The following SLC17A1 variants were observed in gnomAD, a reference collection of about 807,000 sequenced individuals.
The protein encoded by SLC17A1 is solute carrier family 17 member 1.
Under a neutral mutation model 53.5 loss-of-function variants are expected in SLC17A1, and 51 were observed. The observed-to-expected ratio is 0.95, with a 90% CI of 0.76 to 1.20. The LOEUF (loss-of-function observed/expected upper bound fraction) is 1.20. Ranked by LOEUF, SLC17A1 falls within the 50% of genes most tolerant of loss-of-function variation. The probability of loss-of-function intolerance (pLI) is 0.00; values close to 1 mark genes in which losing one functional copy is unlikely to be tolerated. For synonymous variants in SLC17A1, 179 were observed against 198.8 expected, an observed-to-expected ratio of 0.90 and a Z score of 0.84; for missense variants, 538 against 568.2, an observed-to-expected ratio of 0.95 and a Z score of 0.54.
chr6:25,796,458 T>C (rs775875940), intron 12 of SLC17A1, among the ~76,000 whole-genome samples: 3 of 152,036 alleles, frequency 2.0e-5, no homozygotes, highest in Non-Finnish European at 4.4e-5. Flanking sequence ...TTTCCTCCTT[T>C]AGCTGGGTGT....
At chr6:25,819,266 A>T (rs1450771923) in intron 5 of SLC17A1, 112 bp from the exon 6 acceptor site, 4 of 741,258 alleles carry the variant, frequency 5.4e-6, no homozygotes, top group Admixed American at 3.1e-5. Context: ...TTTGTGTATC[A>T]TAACACAAAC....
the SLC17A1 span, among the ~76,000 whole-genome samples, chr6:25,772,387 T>C: frequency 6.6e-6 from 1 of 152,198 alleles, no homozygotes; most frequent in Non-Finnish European, 1.5e-5. Context: ...CGCCATTTTA[T>C]ATTCTCAAAA....
At chr6:25,772,743 T>C in the SLC17A1 span, among the ~76,000 whole-genome samples, 4 of 152,200 alleles carry the variant, frequency 2.6e-5, no homozygotes. Context: ...CTGCAAAGCA[T>C]GACTAGCAGG....
At chr6:25,758,558 G>T in the SLC17A1 span, among the ~76,000 whole-genome samples, 1 of 151,896 alleles carries the variant, frequency 6.6e-6, no homozygotes, top group Non-Finnish European at 1.5e-5. Context: ...TCTCCTCTAG[G>T]TTTTCTAGTT....
chr6:25,726,882 G>GT, the SLC17A1 span: 43 of 1,595,022 alleles, frequency 2.7e-5, no homozygotes, highest in Non-Finnish European at 3.6e-5. Context: ...AAAGAACCGT[G>GT]TAACGCTGCA....
downstream of SLC17A1, chr6:25,778,099 T>A: frequency 1.0e-6 from 1 of 970,006 alleles, no homozygotes; most frequent in Non-Finnish European, 1.6e-6. Flanking sequence ...CCTTGTATCC[T>A]AGAAGATGCT....
At chr6:25,750,687 A>G in the SLC17A1 span, among the ~76,000 whole-genome samples, 3 of 151,868 alleles carry the variant, frequency 2.0e-5, no homozygotes, top group South Asian at 6.2e-4. Context: ...GCACTTGTAT[A>G]GGAAACTGGT....
the SLC17A1 span, chr6:25,726,856 G>C: frequency 6.4e-7 from 1 of 1,557,296 alleles, no homozygotes; most frequent in East Asian, 2.2e-5. Context: ...ACTGGAAAGT[G>C]CTGTGTAACC....
At chr6:25,729,504 G>A in the SLC17A1 span, among the ~76,000 whole-genome samples, 4 of 152,326 alleles carry the variant, frequency 2.6e-5, no homozygotes, top group Admixed American at 2.0e-4. Context: ...CAGAGGACCC[G>A]TTCCTCTCAG....
the SLC17A1 span, among the ~76,000 whole-genome samples, chr6:25,727,713 A>G: frequency 1.3e-5 from 2 of 152,094 alleles, no homozygotes; most frequent in African/African-American, 2.4e-5. Flanking sequence ...CCGAGGGTAG[A>G]CGAACTAGTT....
At chr6:25,731,217 G>A in the SLC17A1 span, among the ~76,000 whole-genome samples, 2 of 152,186 alleles carry the variant, frequency 1.3e-5, no homozygotes, top group African/African-American at 4.8e-5. Flanking sequence ...GAGTTAGCCT[G>A]ATCACTTTTC....
intron 2 of SLC17A1, among the ~76,000 whole-genome samples, chr6:25,829,400 T>A (rs1764866696): frequency 3.3e-5 from 5 of 152,174 alleles, no homozygotes. Context: ...CTGAGAAATT[T>A]AATCATCAGC....
Position 25,819,580 on chromosome 6 carries a change from G to T in SLC17A1, c.460C>A (p.Gln154Lys). Residue 154 changes from glutamine to lysine, a missense_variant, in exon 5 of 13, where the codon CAG becomes AAG. Coordinates refer to ENST00000244527, the MANE Select transcript of SLC17A1 (RefSeq NM_005074.5). Reference protein sequence around the residue: ...GAAQGIVATAQFEIYVKWAPP... With the variant: ...GAAQGIVATAKFEIYVKWAPP... Reference sequence around the variant, plus strand: ...GCCCATTTGACATATATTTCAAACTGGGCTGTTGCAACTATCCCCTGAAAT... The same window carrying T: ...GCCCATTTGACATATATTTCAAACTTGGCTGTTGCAACTATCCCCTGAAAT... 6.2e-7 allele frequency: 1 copy of T among 1,614,002 alleles called. No individual in the cohort carries two copies. Among genetic ancestry groups the T allele is most frequent in the Middle Eastern group, 1.6e-4 (1 of 6,062 alleles).
At chr6:25,826,176 T>C (rs939898546) in intron 3 of SLC17A1, among the ~76,000 whole-genome samples, 32 of 152,104 alleles carry the variant, frequency 2.1e-4, no homozygotes, top group Non-Finnish European at 1.5e-5. Context: ...TTTAAAATGC[T>C]TTCCCTTTTT....
intron 3 of SLC17A1, among the ~76,000 whole-genome samples, chr6:25,823,355 T>C (rs1439947219): frequency 3.9e-5 from 6 of 152,160 alleles, no homozygotes; most frequent in African/African-American, 7.2e-5. Flanking sequence ...GGCTGTCTCA[T>C]ATGGTAGGCA....
chr6:25,768,161 G>T, the SLC17A1 span, among the ~76,000 whole-genome samples: 1 of 152,114 alleles, frequency 6.6e-6, no homozygotes, highest in African/African-American at 2.4e-5. Context: ...TGGGGATGGG[G>T]AACTAAATGC....
chr6:25,773,965 C>T, the SLC17A1 span, among the ~76,000 whole-genome samples: 3 of 151,804 alleles, frequency 2.0e-5, no homozygotes, highest in East Asian at 1.9e-4. Flanking sequence ...TTTTAAGGGC[C>T]CTGTGCAAAA....
In SLC17A1 at chr6:25,811,536, A is replaced by C; in HGVS notation, c.1040T>G (p.Leu347Arg). Residue 347 changes from leucine to arginine, a missense_variant, in exon 10 of 13, where the codon CTT becomes CGT. Leu to Arg is a moderately radical substitution (Grantham distance 102). Transcript: ENST00000244527. ...RKLFTAAGFL[L>R]PAIFGVCLPY... is the part of the protein sequence containing the mutation. ...CAGGCAGACACCAAAGATTGCAGGA[A>C]GGAGAAATCCTGGGGAGTGATTCAG... 1.2e-6 allele frequency: 2 copies of C among 1,613,936 alleles called. No homozygotes were observed. Among genetic ancestry groups the C allele is most frequent in the Non-Finnish European group, 1.7e-6 (2 of 1,179,872 alleles).
the SLC17A1 span, chr6:25,726,681 T>C: frequency 1.8e-6 from 2 of 1,106,360 alleles, no homozygotes; most frequent in Non-Finnish European, 2.6e-6. Flanking sequence ...TCATTTGCAT[T>C]CACGCCACTT....
Sources: gnomAD v4.1 joint callset for allele counts (sites outside exome capture counted in the v4.1 genomes callset) on GRCh38, gnomAD v4.1.1 for gene constraint, MANE v1.5 for transcripts, NCBI Gene and HGNC (gene_info 2026-07-23, HGNC 2026-07-21) for gene names.